The following ANK1 variants were observed in gnomAD, a reference collection of about 807,000 sequenced individuals.
ANK1 encodes ankyrin 1.
In ANK1, 51 loss-of-function variants were observed where a neutral mutation model predicts 210.4. The ratio of observed to expected loss-of-function variants is 0.24; its 90% confidence interval spans 0.19 to 0.31. The LOEUF is 0.31. ANK1 is among the 10% of genes least tolerant of loss of function. The pLI, the probability that ANK1 is intolerant of heterozygous loss-of-function variation, is 1.00. For synonymous variants in ANK1, 967 were observed against 1,025.9 expected, an observed-to-expected ratio of 0.94 and a Z score of 1.10; for missense variants, 2,051 against 2,504.4, an observed-to-expected ratio of 0.82 and a Z score of 3.86.
intron 1 of ANK1, among the ~76,000 whole-genome samples, chr8:41,780,668 G>A (rs1845104430): frequency 6.6e-6 from 1 of 152,260 alleles, no homozygotes; most frequent in African/African-American, 2.4e-5. Flanking sequence ...GCCACCCGGA[G>A]GGAACATGTG....
chr8:41,695,479 G>A, intron 26 of ANK1, 148 bp from the exon 27 acceptor site: 1 of 1,143,332 alleles, frequency 8.7e-7, no homozygotes, highest in Non-Finnish European at 1.3e-6. Context: ...TCTCTAAGTG[G>A]ACCAGACCCA....
intron 1 of ANK1, among the ~76,000 whole-genome samples, chr8:41,837,381 G>A (rs1039347196): frequency 6.6e-6 from 1 of 152,086 alleles, no homozygotes; most frequent in African/African-American, 2.4e-5. Flanking sequence ...CTTGCGCTGT[G>A]GTCCTTTTGC....
At chr8:41,782,762 G>A (rs138869513) in intron 1 of ANK1, among the ~76,000 whole-genome samples, 120 of 152,236 alleles carry the variant, frequency 7.9e-4, no homozygotes, top group African/African-American at 2.5e-3. Context: ...TCACCTATGC[G>A]AAACTAAGTA....
chr8:41,802,115 G>A (rs1587066768), upstream of ANK1, among the ~76,000 whole-genome samples: 3 of 152,114 alleles, frequency 2.0e-5, no homozygotes, highest in East Asian at 3.9e-4. Flanking sequence ...TCGGCCTCCC[G>A]AATAGCTGGG....
rs148042904 is a variant in ANK1, at chr8:41,683,226, GGACAGTGGA to G, written c.4537+1309_4537+1317del. 3.4e-3 allele frequency among the ~76,000 whole-genome samples: 523 copies of G among 152,328 alleles called. 5 individuals carry two copies. The East Asian group carries it at 0.039, about 11-fold the overall frequency. Reference sequence around the variant, plus strand: ...GCCGGCTCTGCGCCTGCCGAAATGGGGACAGTGGAGACAGTGGAGACAGGCAGCACGATA... The same window carrying G: ...GCCGGCTCTGCGCCTGCCGAAATGGGGACAGTGGAGACAGGCAGCACGATA... On this transcript the variant is annotated intron_variant, in intron 37 of 42. Transcript: ENST00000289734.
chr8:41,786,697 A>T lies in ANK1; in HGVS notation c.27+10815T>A, dbSNP rs1270986049. Among the ~76,000 whole-genome samples the T allele has an allele frequency of 2.6e-5, 4 of 152,104 alleles. No homozygotes were observed. The East Asian group carries it at 7.7e-4, about 29-fold the overall frequency. On this transcript the variant is annotated intron_variant, in intron 1 of 42. Transcript: ENST00000289734. The stretch of plus-strand genomic sequence containing the variant: ...TTTGTGGTGGTCGGTGCCACACACT[A>T]GTGTCTCTGTTTCTCAGATGCAGGC...
At chr8:41,876,176 C>A (rs1353786438) in intron 1 of ANK1, among the ~76,000 whole-genome samples, 3 of 152,104 alleles carry the variant, frequency 2.0e-5, no homozygotes, top group African/African-American at 7.2e-5. Flanking sequence ...GCGGCGCTCC[C>A]CAGGCGGGCG....
chr8:41,664,910 C>T (rs1176441936), intron 39 of ANK1: 2 of 1,614,116 alleles, frequency 1.2e-6, no homozygotes, highest in Non-Finnish European at 8.5e-7. Flanking sequence ...GGTGGATGTG[C>T]TTTAGCACAA....
chr8:41,854,229 C>T (rs72640349), intron 1 of ANK1, among the ~76,000 whole-genome samples: 1 of 152,162 alleles, frequency 6.6e-6, no homozygotes, highest in East Asian at 1.9e-4. Flanking sequence ...TATTTCAGCT[C>T]GTTTCAGCTC....
intron 1 of ANK1, among the ~76,000 whole-genome samples, chr8:41,810,903 G>T (rs947135014): frequency 6.6e-6 from 1 of 152,254 alleles, no homozygotes; most frequent in Admixed American, 6.5e-5. Context: ...GCATCACAGA[G>T]GTGCCTAAAA....
intron 1 of ANK1, among the ~76,000 whole-genome samples, chr8:41,789,704 A>T (rs1407765333): frequency 1.3e-5 from 2 of 152,164 alleles, no homozygotes; most frequent in Non-Finnish European, 2.9e-5. Flanking sequence ...GAGTTAGGAG[A>T]CAGACGTGAG....
At chr8:41,885,882 T>C (rs1818367471) in intron 1 of ANK1, among the ~76,000 whole-genome samples, 1 of 152,228 alleles carries the variant, frequency 6.6e-6, no homozygotes, top group South Asian at 2.1e-4. Flanking sequence ...GAGTTTCAGA[T>C]CAGGTTCACA....
intron 27 of ANK1, 131 bp downstream of exon 27, chr8:41,695,046 C>G: frequency 7.7e-7 from 1 of 1,305,500 alleles, no homozygotes; most frequent in African/African-American, 1.4e-5. Flanking sequence ...CAGGGCTTGT[C>G]CACACCAGGC....
chr8:41,783,904 A>G (rs992972965), intron 1 of ANK1, among the ~76,000 whole-genome samples: 1 of 152,008 alleles, frequency 6.6e-6, no homozygotes, highest in Non-Finnish European at 1.5e-5. Flanking sequence ...CTCTAAAAAT[A>G]TTGTTTTTAA....
intron 1 of ANK1, among the ~76,000 whole-genome samples, chr8:41,779,452 C>T (rs1018229070): frequency 1.3e-5 from 2 of 151,882 alleles, no homozygotes; most frequent in Non-Finnish European, 2.9e-5. Context: ...GAGGATCTCA[C>T]TATGTTGCCT....
At chr8:41,805,070 G>C (rs1850722019) in intron 1 of ANK1, among the ~76,000 whole-genome samples, 1 of 151,430 alleles carries the variant, frequency 6.6e-6, no homozygotes, top group Admixed American at 6.6e-5. Flanking sequence ...CTCTCTGTGT[G>C]TGTGTGTGTG....
In ANK1 at chr8:41,803,085, GAAGGAAAGGAAAGGAAAGGA is replaced by G. The variant is rs199946467; in HGVS notation, c.127-44968_127-44949del. Among the ~76,000 whole-genome samples, 134 of 60,026 alleles carry G rather than the reference GAAGGAAAGGAAAGGAAAGGA, an allele frequency of 2.2e-3. 1 individual carries two copies. Among genetic ancestry groups the G allele is most frequent in the African/African-American group, 7.0e-3 (89 of 12,668 alleles). The allele number at this position is 60,026 out of a possible 152,430, so 39.4% of individuals were successfully genotyped here. A position where few individuals can be genotyped will look rare whatever the true frequency, so the allele number is the denominator to read the frequency against. On this transcript the variant is annotated intron_variant, in intron 1 of 42. Coordinates refer to the ANK1 transcript ENST00000265709. ...AAAGGAAGGAAGGAAGGAAGGAAGG[GAAGGAAAGGAAAGGAAAGGA>G]AAGGAAAGGAAAGGAAAGGAAAGGA...
chr8:41,812,865 C>T (rs1005649691), intron 1 of ANK1, among the ~76,000 whole-genome samples: 1 of 152,144 alleles, frequency 6.6e-6, no homozygotes, highest in Non-Finnish European at 1.5e-5. Context: ...CTGATGCATT[C>T]GCTGACCTGA....
At chr8:41,717,802 C>T in intron 11 of ANK1, 100 bp from the exon 12 acceptor site, 2 of 1,181,600 alleles carry the variant, frequency 1.7e-6, no homozygotes, top group Non-Finnish European at 2.5e-6. Context: ...AATGATTTTC[C>T]AAGAAAAGGG....
Sources: allele counts gnomAD v4.1 joint callset (sites outside exome capture counted in the v4.1 genomes callset), GRCh38; gene constraint gnomAD v4.1.1; transcripts MANE v1.5; gene names NCBI Gene and HGNC (gene_info 2026-07-23, HGNC 2026-07-21).